Variants in CRISP1 observed in about 807,000 individuals in gnomAD.
The protein encoded by CRISP1 is cysteine-rich secretory protein 1.
In CRISP1, 44 loss-of-function variants were observed where a neutral mutation model predicts 33.1. The ratio of observed to expected loss-of-function variants is 1.33; its 90% confidence interval spans 1.05 to 1.71. The LOEUF (loss-of-function observed/expected upper bound fraction) is 1.71, where lower values mean the gene tolerates loss of function less well. Among genes scored for constraint, CRISP1 ranks in the 40% most tolerant of loss-of-function variants. CRISP1 has a pLI of 0.00. For missense variants in CRISP1, 390 were observed against 301.2 expected, an observed-to-expected ratio of 1.29 and a Z score of -2.18; for synonymous variants, 103 against 98.7, an observed-to-expected ratio of 1.04 and a Z score of -0.26.
At position 49,835,114 on chromosome 6, in the gene CRISP1, T is replaced by A. The variant is rs561979337; in HGVS notation, c.*202A>T. ...ACATGATTTAAATTTAAGGCAGGTG[T>A]TGGACTTGACCTTTTACTCCAGCAC... On this transcript the variant is annotated 3_prime_UTR_variant, in exon 8 of 8. Coordinates refer to ENST00000335847, the MANE Select transcript of CRISP1 (RefSeq NM_001131.3). 4.0e-4 allele frequency: 183 copies of A among 461,290 alleles called. No individual in the cohort carries two copies. Among genetic ancestry groups the A allele is most frequent in the Non-Finnish European group, 4.9e-4 (128 of 263,850 alleles). The allele number at this position is 461,290 out of a possible 1,614,324, so 28.6% of individuals were successfully genotyped here.
intron 5 of CRISP1, 36 bp from the exon 6 acceptor site, chr6:49,841,031 A>G (rs1770971142): frequency 6.7e-7 from 1 of 1,495,860 alleles, no homozygotes; most frequent in Middle Eastern, 1.7e-4. Context: ...TACAGATTAA[A>G]TATTTTACTA....
chr6:49,874,622 A>G (rs936163109), intron 1 of CRISP1, among the ~76,000 whole-genome samples: 27 of 152,094 alleles, frequency 1.8e-4, no homozygotes, highest in African/African-American at 6.5e-4. Context: ...CTTCAGGTCA[A>G]TATCCTTGAT....
In CRISP1 at chr6:49,846,582, T is replaced by C; in HGVS notation, c.373A>G (p.Ser125Gly). The C allele has an allele frequency of 1.2e-6, 2 of 1,613,626 alleles. No homozygotes were observed. Among genetic ancestry groups the C allele is most frequent in the Non-Finnish European group, 1.7e-6 (2 of 1,179,702 alleles). Residue 125 changes from serine (S) to glycine (G), a missense_variant, in exon 5 of 8, where the codon AGT becomes GGT. Ser to Gly is a moderately conservative substitution (Grantham distance 56, BLOSUM62 0). Transcript: ENST00000335847. Reference sequence around the variant, plus strand: ...GTTGTCCATTCTCCATGTTTGAAACTTGTAGACTCACTGTACCAGACTCCA... The same window carrying C: ...GTTGTCCATTCTCCATGTTTGAAACCTGTAGACTCACTGTACCAGACTCCA... ...VIGVWYSEST[S>G]FKHGEWTTTD...
chr6:49,871,904 G>T (rs1334094547), intron 1 of CRISP1, among the ~76,000 whole-genome samples: 1 of 151,770 alleles, frequency 6.6e-6, no homozygotes, highest in African/African-American at 2.4e-5. Flanking sequence ...TAATCCTTTG[G>T]GTATATACCT....
intron 1 of CRISP1, among the ~76,000 whole-genome samples, chr6:49,861,126 G>A (rs1358197038): frequency 6.6e-6 from 1 of 152,072 alleles, no homozygotes; most frequent in Non-Finnish European, 1.5e-5. Context: ...GAAAAGTCCA[G>A]GATCAGATGA....
intron 3 of CRISP1, among the ~76,000 whole-genome samples, chr6:49,849,342 T>C (rs181560303): frequency 1.4e-4 from 22 of 152,252 alleles, no homozygotes; most frequent in Middle Eastern, 3.4e-3. Flanking sequence ...CCACACCTGG[T>C]CAAGGAGACA....
chr6:49,852,266 C>T, intron 2 of CRISP1, 137 bp from the exon 3 acceptor site: 1 of 743,142 alleles, frequency 1.3e-6, no homozygotes, highest in Non-Finnish European at 2.1e-6. Context: ...TTTATAATGT[C>T]TCATTATATT....
At chr6:49,872,301 C>T (rs534504066) in intron 1 of CRISP1, among the ~76,000 whole-genome samples, 5,722 of 151,806 alleles carry the variant, frequency 0.038, 356 homozygotes, top group African/African-American at 0.13. Flanking sequence ...TGGATATTAG[C>T]CCTTTGTCAG....
intron 6 of CRISP1, 30 bp downstream of exon 6, chr6:49,840,868 A>G (rs1561939325): frequency 1.3e-6 from 2 of 1,522,986 alleles, no homozygotes; most frequent in East Asian, 4.6e-5. Flanking sequence ...CTTTAGGGGG[A>G]TATATATTTT....
chr6:49,873,131 C>T (rs1374221899), intron 1 of CRISP1, among the ~76,000 whole-genome samples: 3 of 151,740 alleles, frequency 2.0e-5, no homozygotes, highest in Non-Finnish European at 4.4e-5. Flanking sequence ...GTTAACTAAC[C>T]TGCACACTGT....
At chr6:49,868,034 T>C (rs1024098031), upstream of CRISP1, among the ~76,000 whole-genome samples, 1 of 152,178 alleles carries the variant, frequency 6.6e-6, no homozygotes, top group Non-Finnish European at 1.5e-5. Flanking sequence ...CAAGTGTTTA[T>C]GGAAACTTAA....
At chr6:49,842,087 T>C (rs1403292155) in intron 5 of CRISP1, among the ~76,000 whole-genome samples, 1 of 152,204 alleles carries the variant, frequency 6.6e-6, no homozygotes, top group Non-Finnish European at 1.5e-5. Flanking sequence ...TATTGTTTTC[T>C]CTTTACAAAG....
Position 49,840,936 on chromosome 6 carries a change from T to C in CRISP1, c.495A>G (p.Gly165=), listed in dbSNP as rs755919505. 1 of 1,613,960 alleles carries C rather than the reference T, an allele frequency of 6.2e-7. No homozygotes were observed. Among genetic ancestry groups the C allele is most frequent in the Non-Finnish European group, 8.5e-7 (1 of 1,179,890 alleles). Residue 165 remains glycine, a synonymous_variant, in exon 6 of 8, where the codon GGA becomes GGG. Coordinates refer to ENST00000335847, the MANE Select transcript of CRISP1 (RefSeq NM_001131.3). The part of the protein sequence containing the change: ...GCAIASCRQQ[G]SPRYLYVCHY... ...GACAAACGTAGAGATATCGAGGTGA[T>C]CCTTGTTGGCGGCAAGATGCAATGG...
chr6:49,838,548 C>T (rs1418341735), intron 6 of CRISP1, 23 bp from the exon 7 acceptor site: 3 of 1,564,796 alleles, frequency 1.9e-6, no homozygotes, highest in Middle Eastern at 1.8e-4. Flanking sequence ...AAAGTGATTT[C>T]ATAAAACCCA....
intron 2 of CRISP1, among the ~76,000 whole-genome samples, chr6:49,852,846 TTG>T (rs3056388): frequency 0.2 from 29,489 of 145,190 alleles, 3,151 homozygotes; most frequent in Admixed American, 0.32. Context: ...AAGAGAATCT[TTG>T]TGTGTGTGTG....
chr6:49,849,296 G>A (rs771365881), intron 3 of CRISP1, among the ~76,000 whole-genome samples: 4 of 152,122 alleles, frequency 2.6e-5, no homozygotes, highest in African/African-American at 4.8e-5. Flanking sequence ...ATCGGGCCCC[G>A]CAGGTGGTAG....
chr6:49,864,950 T>C (rs796662115), intron 1 of CRISP1, among the ~76,000 whole-genome samples: 10 of 151,528 alleles, frequency 6.6e-5, no homozygotes, highest in African/African-American at 2.2e-4. Context: ...CTTATGCATG[T>C]GTTGGCATGT....
At chr6:49,837,508 AT>A (rs1770839846) in intron 7 of CRISP1, among the ~76,000 whole-genome samples, 2 of 151,580 alleles carry the variant, frequency 1.3e-5, no homozygotes, top group African/African-American at 4.9e-5. Flanking sequence ...GAAACGGGGT[AT>A]AAAAAGTGAA....
chr6:49,857,035 G>T (rs188855501), intron 2 of CRISP1, among the ~76,000 whole-genome samples: 5 of 152,016 alleles, frequency 3.3e-5, no homozygotes, highest in African/African-American at 7.2e-5. Flanking sequence ...GTGTTATTCA[G>T]AGAGGCCACA....
Sources: gnomAD v4.1 joint callset for allele counts (sites outside exome capture counted in the v4.1 genomes callset) on GRCh38, gnomAD v4.1.1 for gene constraint, MANE v1.5 for transcripts, NCBI Gene and HGNC (gene_info 2026-07-23, HGNC 2026-07-21) for gene names.